DRC11: variants seen among roughly 807,000 people sequenced by gnomAD.
DRC11 encodes the protein IQ and AAA domain-containing protein 1.
At chr2:236,339,001 C>T in the DRC11 span, among the ~76,000 whole-genome samples, 5 of 152,122 alleles carry the variant, frequency 3.3e-5, no homozygotes, top group Admixed American at 2.0e-4. Flanking sequence ...ACCATGTTGC[C>T]ATGGGCAACA....
chr2:236,319,913 G>C, the DRC11 span, among the ~76,000 whole-genome samples: 1 of 152,154 alleles, frequency 6.6e-6, no homozygotes, highest in African/African-American at 2.4e-5. This position sits in a 1 kb window ranked among gnomAD's most constrained non-coding sequence, Gnocchi z 6.7. Context: ...CATGTTCATC[G>C]CATGGATCTG....
chr2:236,359,384 G>A, the DRC11 span, among the ~76,000 whole-genome samples: 1 of 152,114 alleles, frequency 6.6e-6, no homozygotes, highest in East Asian at 1.9e-4. The surrounding 1 kb of genome is among the most constrained non-coding windows in gnomAD (Gnocchi z 4.3). Context: ...ATTTACAGTT[G>A]TGAAACAAAT....
the DRC11 span, among the ~76,000 whole-genome samples, chr2:236,357,302 C>T: frequency 5.3e-5 from 6 of 112,486 alleles, no homozygotes; most frequent in African/African-American, 1.5e-4. Context: ...ATTATATATT[C>T]ATATAGATCT....
the DRC11 span, chr2:236,399,590 A>AGGGG: frequency 3.3e-6 from 3 of 916,274 alleles, no homozygotes; most frequent in Non-Finnish European, 5.3e-6. The surrounding 1 kb of genome is among the most constrained non-coding windows in gnomAD (Gnocchi z 7.0). Flanking sequence ...GCGCAGGCCC[A>AGGGG]GTCCTGGTCC....
At chr2:236,506,448 C>T in the DRC11 span, among the ~76,000 whole-genome samples, 3 of 152,330 alleles carry the variant, frequency 2.0e-5, no homozygotes, top group Middle Eastern at 3.4e-3. The surrounding 1 kb of genome is among the most constrained non-coding windows in gnomAD (Gnocchi z 4.9). Flanking sequence ...TGATCTTCCC[C>T]ATTTCCAAAC....
chr2:236,483,788 T>C, the DRC11 span, among the ~76,000 whole-genome samples: 1 of 152,244 alleles, frequency 6.6e-6, no homozygotes, highest in Non-Finnish European at 1.5e-5. This position sits in a 1 kb window ranked among gnomAD's most constrained non-coding sequence, Gnocchi z 4.8. Context: ...GAATATTACA[T>C]GGCAATATCC....
chr2:236,368,098 C>T, the DRC11 span: 1 of 780,148 alleles, frequency 1.3e-6, no homozygotes, highest in Non-Finnish European at 2.2e-6. Context: ...TTAAGGAGCA[C>T]TGTACTTTTG....
chr2:236,327,299 C>T, the DRC11 span, among the ~76,000 whole-genome samples: 5 of 152,322 alleles, frequency 3.3e-5, no homozygotes, highest in African/African-American at 1.2e-4. Flanking sequence ...TTCTGTCACC[C>T]AGGCTGGAGT....
the DRC11 span, among the ~76,000 whole-genome samples, chr2:236,473,315 C>A: frequency 5.4e-3 from 816 of 152,336 alleles, 9 homozygotes; most frequent in African/African-American, 0.019. This position sits in a 1 kb window ranked among gnomAD's most constrained non-coding sequence, Gnocchi z 4.8. Context: ...CTTTCCCAAA[C>A]AGAGTCTCGG....
At chr2:236,475,103 T>C in the DRC11 span, among the ~76,000 whole-genome samples, 1 of 152,154 alleles carries the variant, frequency 6.6e-6, no homozygotes, top group Non-Finnish European at 1.5e-5. This position sits in a 1 kb window ranked among gnomAD's most constrained non-coding sequence, Gnocchi z 4.8. Context: ...TTTCTACCCA[T>C]TAATCAATCT....
chr2:236,374,916 G>T, the DRC11 span, among the ~76,000 whole-genome samples: 1 of 148,770 alleles, frequency 6.7e-6, no homozygotes, highest in African/African-American at 2.5e-5. Context: ...GGCCAGGCTG[G>T]TCTCAAACTC....
chr2:236,465,611 A>T, the DRC11 span: 4 of 1,613,916 alleles, frequency 2.5e-6, no homozygotes, highest in Non-Finnish European at 3.4e-6. The surrounding 1 kb of genome is among the most constrained non-coding windows in gnomAD (Gnocchi z 6.2). Flanking sequence ...GCTTCCCTGT[A>T]GTCCTCTTCA....
At chr2:236,405,256 G>C in the DRC11 span, among the ~76,000 whole-genome samples, 1 of 152,006 alleles carries the variant, frequency 6.6e-6, no homozygotes, top group African/African-American at 2.4e-5. The surrounding 1 kb of genome is among the most constrained non-coding windows in gnomAD (Gnocchi z 4.6). Context: ...CTTGCTGGCT[G>C]AACAAATAAT....
At chr2:236,359,202 T>C in the DRC11 span, among the ~76,000 whole-genome samples, 2 of 151,712 alleles carry the variant, frequency 1.3e-5, no homozygotes, top group African/African-American at 2.4e-5. The surrounding 1 kb of genome is among the most constrained non-coding windows in gnomAD (Gnocchi z 4.3). Flanking sequence ...TAGTAGACTA[T>C]ATATAGTAGA....
chr2:236,451,467 T>C, the DRC11 span, among the ~76,000 whole-genome samples: 1 of 152,168 alleles, frequency 6.6e-6, no homozygotes, highest in Non-Finnish European at 1.5e-5. Context: ...TTTTGCCAGA[T>C]ACTGTTCTGG....
chr2:236,316,838 C>T, the DRC11 span, among the ~76,000 whole-genome samples: 93 of 152,178 alleles, frequency 6.1e-4, no homozygotes, highest in African/African-American at 2.1e-3. This position sits in a 1 kb window ranked among gnomAD's most constrained non-coding sequence, Gnocchi z 6.8. Flanking sequence ...GAGCAGCCAA[C>T]GCAGTAAACT....
At chr2:236,330,140 G>A in the DRC11 span, among the ~76,000 whole-genome samples, 4 of 152,176 alleles carry the variant, frequency 2.6e-5, no homozygotes, top group South Asian at 2.1e-4. This position sits in a 1 kb window ranked among gnomAD's most constrained non-coding sequence, Gnocchi z 5.5. Context: ...AACAGTTAAC[G>A]AGAATATTAC....
the DRC11 span, among the ~76,000 whole-genome samples, chr2:236,323,054 A>G: frequency 1.1e-4 from 16 of 152,358 alleles, no homozygotes; most frequent in African/African-American, 3.6e-4. The surrounding 1 kb of genome is among the most constrained non-coding windows in gnomAD (Gnocchi z 6.4). Context: ...GAAAAAGTGT[A>G]CTTGTCGTGA....
chr2:236,357,222 CTATT>C, the DRC11 span, among the ~76,000 whole-genome samples: 7 of 110,636 alleles, frequency 6.3e-5, no homozygotes, highest in Middle Eastern at 0.013. Context: ...TAGTATATAT[CTATT>C]ATAAATGTAT....
Sources: gnomAD v4.1 joint callset for allele counts (sites outside exome capture counted in the v4.1 genomes callset) on GRCh38, gnomAD v4.1.1 for gene constraint, Gnocchi (gnomAD v3.1) non-coding constraint, MANE v1.5 for transcripts, NCBI Gene and HGNC (gene_info 2026-07-23, HGNC 2026-07-21) for gene names.